CLASP1: variants seen among roughly 807,000 people sequenced by gnomAD.
CLASP1 encodes the protein CLIP-associating protein 1.
CLASP1 carries 38 observed loss-of-function variants against 192.3 expected under a neutral mutation model. The ratio of observed to expected loss-of-function variants is 0.20; its 90% CI spans 0.15 to 0.26. The LOEUF (loss-of-function observed/expected upper bound fraction) is 0.26, where lower values mean the gene tolerates loss of function less well. Among genes scored for constraint, CLASP1 ranks in the 10% least tolerant of loss-of-function variants. The pLI is 1.00. For missense variants in CLASP1, 1,433 were observed against 1,932.5 expected (o/e 0.74, Z 4.85); for synonymous variants, 691 against 712.8 (o/e 0.97, Z 0.49).
intron 30 of CLASP1, among the ~76,000 whole-genome samples, chr2:121,396,518 G>A (rs978867139): frequency 2.6e-5 from 4 of 152,204 alleles, no homozygotes; most frequent in African/African-American, 9.6e-5. Context: ...AGGACAGTAA[G>A]TCCTAGTTCA....
At chr2:121,647,826 T>C (rs2106390257) in intron 1 of CLASP1, among the ~76,000 whole-genome samples, 1 of 152,356 alleles carries the variant, frequency 6.6e-6, no homozygotes, top group African/African-American at 2.4e-5. Flanking sequence ...TAAGGAGTCC[T>C]GACTTTGGTT....
intron 1 of CLASP1, among the ~76,000 whole-genome samples, chr2:121,642,401 TAAAA>T (rs35181269): frequency 6.5e-5 from 7 of 107,490 alleles, no homozygotes; most frequent in Non-Finnish European, 4.0e-5. Context: ...ATCTTTTTGC[TAAAA>T]AAAAAAAAAA....
chr2:121,536,551 G>A (rs1163700240), intron 2 of CLASP1, among the ~76,000 whole-genome samples: 4 of 152,144 alleles, frequency 2.6e-5, no homozygotes, highest in African/African-American at 2.4e-5. Context: ...AACAACTGAA[G>A]TGTTGATTGA....
At chr2:121,350,763 AC>A (rs1256535747) in intron 37 of CLASP1, among the ~76,000 whole-genome samples, 1 of 152,162 alleles carries the variant, frequency 6.6e-6, no homozygotes, top group Non-Finnish European at 1.5e-5. Flanking sequence ...GGCTACTCAC[AC>A]CCACTACCTG....
intron 2 of CLASP1, among the ~76,000 whole-genome samples, chr2:121,546,237 T>C (rs2057404625): frequency 6.6e-6 from 1 of 151,978 alleles, no homozygotes; most frequent in Non-Finnish European, 1.5e-5. Context: ...GGCAGTTTCT[T>C]TAAAAACGAA....
intron 32 of CLASP1, among the ~76,000 whole-genome samples, chr2:121,386,834 A>C (rs1271607396): frequency 6.6e-6 from 1 of 152,252 alleles, no homozygotes; most frequent in African/African-American, 2.4e-5. Flanking sequence ...TATGTAAAAC[A>C]GTACTAAATA....
At chr2:121,469,399 G>C (rs2090260855) in intron 9 of CLASP1, among the ~76,000 whole-genome samples, 1 of 152,206 alleles carries the variant, frequency 6.6e-6, no homozygotes, top group African/African-American at 2.4e-5. Flanking sequence ...TTTAAAGACA[G>C]GAGTTACAGT....
At chr2:121,621,454 C>T (rs2067335521) in intron 1 of CLASP1, among the ~76,000 whole-genome samples, 1 of 152,100 alleles carries the variant, frequency 6.6e-6, no homozygotes, top group Non-Finnish European at 1.5e-5. Context: ...TGTTTCAGAT[C>T]TTACATTTAG....
intron 2 of CLASP1, chr2:121,530,869 C>CTT (rs1366918529): frequency 1.5e-6 from 1 of 678,594 alleles, no homozygotes; most frequent in Non-Finnish European, 2.7e-6. Context: ...AGCCCAGGGA[C>CTT]TTTCTATTAT....
In CLASP1 at chr2:121,603,359, C is replaced by CA. The variant is rs1194678930; in HGVS notation, c.195+2341dup. On this transcript the variant is annotated intron_variant, in intron 2 of 39. Coordinates refer to ENST00000263710, the Ensembl canonical transcript of CLASP1. ...CACTAATCATGAGGGAAATGCAAAT[C>CA]AAAACCACAATGAGGTATCAACTCA... Among the ~76,000 whole-genome samples, 5 of 152,006 alleles carry CA rather than the reference C, an allele frequency of 3.3e-5. No homozygotes were observed. In the South Asian group the frequency reaches 6.2e-4, roughly 19 times the overall value.
intron 2 of CLASP1, among the ~76,000 whole-genome samples, chr2:121,543,675 C>G (rs562394563): frequency 6.6e-6 from 1 of 152,110 alleles, no homozygotes; most frequent in Non-Finnish European, 1.5e-5. Flanking sequence ...TTCCAGCTAG[C>G]CCCCTCCAAA....
intron 2 of CLASP1, among the ~76,000 whole-genome samples, chr2:121,600,666 CTTGT>C (rs1256762832): frequency 1.3e-5 from 2 of 152,232 alleles, no homozygotes; most frequent in East Asian, 3.8e-4. Context: ...TACTGTATAA[CTTGT>C]TTATTTATCA....
intron 19 of CLASP1, among the ~76,000 whole-genome samples, chr2:121,440,368 A>T: frequency 6.6e-6 from 1 of 152,232 alleles, no homozygotes; most frequent in East Asian, 1.9e-4. Context: ...GATGATATAA[A>T]ATGCTCTGTG....
chr2:121,450,680 G>A (rs910843688), intron 16 of CLASP1, among the ~76,000 whole-genome samples: 2 of 152,058 alleles, frequency 1.3e-5, no homozygotes, highest in Admixed American at 6.5e-5. Context: ...AATTTGTGAC[G>A]AATGTAAAAA....
intron 6 of CLASP1, among the ~76,000 whole-genome samples, chr2:121,519,474 G>A (rs1040613944): frequency 6.6e-6 from 1 of 152,208 alleles, no homozygotes; most frequent in African/African-American, 2.4e-5. Context: ...AGCTTTACCA[G>A]GCCTTCTACC....
At chr2:121,526,570 T>C (rs1216892414) in intron 5 of CLASP1, among the ~76,000 whole-genome samples, 1 of 152,212 alleles carries the variant, frequency 6.6e-6, no homozygotes, top group Non-Finnish European at 1.5e-5. Flanking sequence ...TTTCTTTTTT[T>C]TTTCTTAAGC....
intron 2 of CLASP1, among the ~76,000 whole-genome samples, chr2:121,558,125 T>A (rs1466352434): frequency 6.6e-6 from 1 of 152,142 alleles, no homozygotes; most frequent in Non-Finnish European, 1.5e-5. Context: ...TGTATTTACT[T>A]ATAAATCATA....
intron 1 of CLASP1, among the ~76,000 whole-genome samples, chr2:121,620,890 A>C (rs1037668191): frequency 3.9e-5 from 6 of 152,062 alleles, no homozygotes; most frequent in African/African-American, 1.4e-4. Context: ...GTTTCAATTA[A>C]TATCAATTTA....
At chr2:121,474,054 C>T (rs142517009) in intron 8 of CLASP1, among the ~76,000 whole-genome samples, 104 of 151,308 alleles carry the variant, frequency 6.9e-4, no homozygotes, top group African/African-American at 2.0e-3. Context: ...ACTTTCTCCT[C>T]ATATTTTATT....
Sources: allele counts gnomAD v4.1 joint callset (sites outside exome capture counted in the v4.1 genomes callset), GRCh38; gene constraint gnomAD v4.1.1; transcripts MANE v1.5; gene names NCBI Gene and HGNC (gene_info 2026-07-23, HGNC 2026-07-21).